Variants in HS3ST4 observed in about 807,000 individuals in gnomAD.
HS3ST4 encodes the protein heparan sulfate-glucosamine 3-sulfotransferase 4.
Under a neutral mutation model 29.2 loss-of-function variants are expected in HS3ST4, and 17 were observed. The ratio of observed to expected loss-of-function variants is 0.58; its 90% CI spans 0.40 to 0.87. The LOEUF is 0.87. Ranked by LOEUF, HS3ST4 falls within the 40% of genes least tolerant of loss-of-function variation. The pLI is 0.00. For synonymous variants in HS3ST4, 314 were observed against 285.7 expected (o/e 1.10, Z -1.00); for missense variants, 627 against 634.5 (o/e 0.99, Z 0.13).
At chr16:25,857,903 CCTTCCTTCCTTCCTTCCTTTCTTT>C (rs1567257037) in intron 1 of HS3ST4, among the ~76,000 whole-genome samples, 1 of 61,732 alleles carries the variant, frequency 1.6e-5, no homozygotes, top group Non-Finnish European at 3.6e-5. Flanking sequence ...TTTCTTTCTT[CCTTCCTTCCTTCCTTCCTTTCTTT>C]CTTTCTTTCT....
chr16:25,715,937 A>G (rs2141587159), intron 1 of HS3ST4, among the ~76,000 whole-genome samples: 1 of 152,320 alleles, frequency 6.6e-6, no homozygotes, highest in Non-Finnish European at 1.5e-5. Flanking sequence ...GGAGAATGAC[A>G]ATGCCAAGGA....
intron 1 of HS3ST4, among the ~76,000 whole-genome samples, chr16:25,759,279 T>C (rs1966775375): frequency 6.6e-6 from 1 of 152,214 alleles, no homozygotes; most frequent in African/African-American, 2.4e-5. Flanking sequence ...GGGCTGTGTA[T>C]CAACAATCTA....
chr16:26,130,538 C>T (rs536583957), intron 1 of HS3ST4, among the ~76,000 whole-genome samples: 1 of 152,198 alleles, frequency 6.6e-6, no homozygotes, highest in Admixed American at 6.5e-5. Flanking sequence ...CCTACAGCCC[C>T]AAGGAACTGA....
chr16:25,926,785 C>A (rs921713230), intron 1 of HS3ST4, among the ~76,000 whole-genome samples: 3 of 152,226 alleles, frequency 2.0e-5, no homozygotes, highest in Non-Finnish European at 1.5e-5. Context: ...AACCACAACA[C>A]TTCAATGCCT....
chr16:26,054,559 T>C (rs561990568), intron 1 of HS3ST4, among the ~76,000 whole-genome samples: 1 of 152,244 alleles, frequency 6.6e-6, no homozygotes, highest in Non-Finnish European at 1.5e-5. Flanking sequence ...TTGAGAACAA[T>C]TGGTCCGAAA....
At position 25,845,510 on chromosome 16, in the gene HS3ST4, AAAC is replaced by A. The variant is rs571263750; in HGVS notation, c.734+152371_734+152373del. Among the ~76,000 whole-genome samples the A allele has an allele frequency of 4.1e-3, 626 of 152,252 alleles. 3 individuals are homozygous for A. The highest frequency in any genetic ancestry group is 0.014 in the African/African-American group (578 of 41,550). ...GGCGACAGAGCGAGACTTCATTTCA[AAAC>A]AACAACAACAAATGTAAGAATCTAA... is the stretch of plus-strand genomic sequence containing the variant. On this transcript the variant is annotated intron_variant, in intron 1 of 1. Transcript: ENST00000331351.
chr16:26,050,283 A>ACTCT (rs1034252904), intron 1 of HS3ST4, among the ~76,000 whole-genome samples: 1 of 149,218 alleles, frequency 6.7e-6, no homozygotes, highest in East Asian at 2.0e-4. Context: ...GAGGTAGAAG[A>ACTCT]CTCTCTCTCT....
At chr16:25,963,566 G>A (rs563376805) in intron 1 of HS3ST4, among the ~76,000 whole-genome samples, 39 of 152,122 alleles carry the variant, frequency 2.6e-4, no homozygotes, top group Non-Finnish European at 4.7e-4. Context: ...CCCATTCCTC[G>A]ACAGAACAAA....
intron 1 of HS3ST4, among the ~76,000 whole-genome samples, chr16:25,914,611 G>A (rs1301582772): frequency 6.7e-6 from 1 of 148,778 alleles, no homozygotes; most frequent in African/African-American, 2.5e-5. Context: ...TGTGTGTAGG[G>A]TGTGTGGGGT....
intron 1 of HS3ST4, among the ~76,000 whole-genome samples, chr16:25,828,762 T>C (rs1165734532): frequency 6.6e-6 from 1 of 152,188 alleles, no homozygotes; most frequent in East Asian, 1.9e-4. Context: ...ACATGTGCTA[T>C]TTGCATTTCT....
At chr16:26,049,333 AGGTCTACATCCG>A (rs1898307562) in intron 1 of HS3ST4, among the ~76,000 whole-genome samples, 2 of 86,220 alleles carry the variant, frequency 2.3e-5, no homozygotes, top group African/African-American at 7.4e-5. Context: ...GGAAGTCCGG[AGGTCTACATCCG>A]GAGGTCTACA....
chr16:26,015,571 C>T (rs1183997259), intron 1 of HS3ST4, among the ~76,000 whole-genome samples: 1 of 152,196 alleles, frequency 6.6e-6, no homozygotes, highest in East Asian at 1.9e-4. Context: ...TTCTGGTTTT[C>T]CTTTCCTCCC....
At chr16:25,926,651 G>T (rs990855002) in intron 1 of HS3ST4, among the ~76,000 whole-genome samples, 5 of 152,232 alleles carry the variant, frequency 3.3e-5, no homozygotes, top group African/African-American at 4.8e-5. Flanking sequence ...AAATTGAAGA[G>T]ATAGTGATTT....
At chr16:26,025,273 A>G (rs936038220) in intron 1 of HS3ST4, 1 of 154,532 alleles carries the variant, frequency 6.5e-6, no homozygotes, top group South Asian at 2.0e-4. Flanking sequence ...TTGCCTTTCA[A>G]CATAATGGCA....
At chr16:26,023,727 G>A (rs1165557263) in intron 1 of HS3ST4, among the ~76,000 whole-genome samples, 2 of 152,008 alleles carry the variant, frequency 1.3e-5, no homozygotes, top group East Asian at 3.9e-4. Context: ...TGTGCATAAA[G>A]GAGCTCTCCT....
intron 1 of HS3ST4, among the ~76,000 whole-genome samples, chr16:26,036,170 A>AGCTTTTT (rs1356183405): frequency 6.6e-6 from 1 of 152,254 alleles, no homozygotes; most frequent in Admixed American, 6.5e-5. Flanking sequence ...ACTAAGTGGA[A>AGCTTTTT]TCAGGACATG....
At chr16:25,794,940 T>C (rs11642861) in intron 1 of HS3ST4, among the ~76,000 whole-genome samples, 11,595 of 122,668 alleles carry the variant, frequency 0.095, 522 homozygotes, top group African/African-American at 0.15. Context: ...CACACACACA[T>C]ATATATTCAT....
chr16:26,105,083 A>T (rs1265818559), intron 1 of HS3ST4, among the ~76,000 whole-genome samples: 1 of 152,220 alleles, frequency 6.6e-6, no homozygotes, highest in Non-Finnish European at 1.5e-5. Flanking sequence ...AATCACAGTG[A>T]TGTCTCCCAC....
chr16:26,064,140 G>T (rs900059323), intron 1 of HS3ST4, among the ~76,000 whole-genome samples: 1 of 152,158 alleles, frequency 6.6e-6, no homozygotes, highest in Non-Finnish European at 1.5e-5. Context: ...GAGCCAGACA[G>T]CACAGACCCT....
Sources: allele counts gnomAD v4.1 joint callset (sites outside exome capture counted in the v4.1 genomes callset), GRCh38; gene constraint gnomAD v4.1.1; transcripts MANE v1.5; gene names NCBI Gene and HGNC (gene_info 2026-07-23, HGNC 2026-07-21).